TMEM178B: variants seen among roughly 807,000 people sequenced by gnomAD.
The protein encoded by TMEM178B is transmembrane protein 178B.
In TMEM178B, 5 loss-of-function variants were observed where a neutral mutation model predicts 31.0. The ratio of observed to expected loss-of-function variants is 0.16; its 90% CI spans 0.08 to 0.34. The LOEUF is 0.34. Among genes scored for constraint, TMEM178B ranks in the 10% least tolerant of loss-of-function variants. The pLI is 1.00. For missense variants in TMEM178B, 275 were observed against 400.3 expected (o/e 0.69, Z 2.67); for synonymous variants, 164 against 164.0 (o/e 1.00, Z 0.00).
At chr7:141,500,492 G>A in the TMEM178B span, among the ~76,000 whole-genome samples, 2 of 152,150 alleles carry the variant, frequency 1.3e-5, no homozygotes, top group Non-Finnish European at 2.9e-5. Flanking sequence ...TCTTCTCAAA[G>A]ATCCCTTTAA....
intron 2 of TMEM178B, among the ~76,000 whole-genome samples, chr7:141,293,755 T>C (rs1798586033): frequency 6.6e-6 from 1 of 152,180 alleles, no homozygotes; most frequent in Non-Finnish European, 1.5e-5. Context: ...GTTTTGTCTA[T>C]AGCAGAAAGG....
intron 2 of TMEM178B, among the ~76,000 whole-genome samples, chr7:141,381,564 C>T (rs916734610): frequency 7.2e-5 from 11 of 152,150 alleles, no homozygotes; most frequent in Non-Finnish European, 1.3e-4. Flanking sequence ...TTCCAGATAT[C>T]CCACCAACCT....
intron 2 of TMEM178B, among the ~76,000 whole-genome samples, chr7:141,343,436 A>G (rs1023840728): frequency 2.0e-5 from 3 of 151,830 alleles, no homozygotes; most frequent in African/African-American, 4.8e-5. Flanking sequence ...TTCAGATTAT[A>G]AGGCCAGATT....
chr7:141,257,598 C>T (rs944114176), intron 2 of TMEM178B, among the ~76,000 whole-genome samples: 1 of 152,122 alleles, frequency 6.6e-6, no homozygotes, highest in African/African-American at 2.4e-5. Flanking sequence ...GCAAAAACTC[C>T]CCTCTGACAG....
intron 3 of TMEM178B, among the ~76,000 whole-genome samples, chr7:141,446,389 A>C (rs992742648): frequency 6.6e-6 from 1 of 152,214 alleles, no homozygotes; most frequent in Non-Finnish European, 1.5e-5. Flanking sequence ...ACAGTGCCAC[A>C]TGTTCGCCAG....
intron 1 of TMEM178B, among the ~76,000 whole-genome samples, chr7:141,089,967 C>T (rs1357807734): frequency 6.6e-6 from 1 of 151,788 alleles, no homozygotes; most frequent in Non-Finnish European, 1.5e-5. Flanking sequence ...ATGTAACATA[C>T]CTGCAAGTTG....
intron 3 of TMEM178B, among the ~76,000 whole-genome samples, chr7:141,457,042 A>G (rs1337398077): frequency 6.6e-6 from 1 of 152,180 alleles, no homozygotes; most frequent in Non-Finnish European, 1.5e-5. Flanking sequence ...TTCCCATCCT[A>G]TATAGAAAGC....
intron 1 of TMEM178B, among the ~76,000 whole-genome samples, chr7:141,115,662 CT>C (rs1406549456): frequency 1.3e-5 from 2 of 152,130 alleles, no homozygotes; most frequent in Non-Finnish European, 2.9e-5. Flanking sequence ...GCAAAGTTCC[CT>C]GGCTCAGTCG....
intron 1 of TMEM178B, among the ~76,000 whole-genome samples, chr7:141,190,168 A>G (rs1336389787): frequency 2.0e-5 from 3 of 152,236 alleles, no homozygotes; most frequent in African/African-American, 7.2e-5. Context: ...TAGAAAATGC[A>G]CTTAATATAC....
At position 141,477,983 on chromosome 7, in the gene TMEM178B, T is replaced by C. The variant is rs1050764646; in HGVS notation, c.*7197T>C. On this transcript the variant is annotated 3_prime_UTR_variant, in exon 4 of 4. Transcript: ENST00000565468. ...CTGACTGAGCTTTGCTGCACTGGGC[T>C]GGGGTAGGAGAAAGAGCATCCAAGG... 2 of 152,356 alleles carry C rather than the reference T, an allele frequency of 1.3e-5. No individual in the cohort carries two copies. Among genetic ancestry groups the C allele is most frequent in the African/African-American group, 4.8e-5 (2 of 41,436 alleles). 9.4% of individuals were successfully genotyped at this position (152,356 alleles called of 1,614,324 possible). A position where few individuals can be genotyped will look rare whatever the true frequency, so the allele number is the denominator to read the frequency against.
At chr7:141,266,896 A>G (rs1798102856) in intron 2 of TMEM178B, among the ~76,000 whole-genome samples, 2 of 152,186 alleles carry the variant, frequency 1.3e-5, no homozygotes, top group Admixed American at 1.3e-4. Flanking sequence ...CTACAGTTGA[A>G]TTTTCTGAAG....
intron 3 of TMEM178B, among the ~76,000 whole-genome samples, chr7:141,442,444 T>A (rs1239089001): frequency 6.6e-6 from 1 of 152,202 alleles, no homozygotes; most frequent in African/African-American, 2.4e-5. Context: ...AATGGCCCAA[T>A]AGCTTCCAGT....
intron 2 of TMEM178B, among the ~76,000 whole-genome samples, chr7:141,332,358 G>A (rs1215141214): frequency 1.3e-5 from 2 of 152,190 alleles, no homozygotes; most frequent in Non-Finnish European, 2.9e-5. Context: ...ACTGGCTGCT[G>A]TTAACATCAT....
At chr7:141,126,209 G>A (rs566237908) in intron 1 of TMEM178B, among the ~76,000 whole-genome samples, 1 of 152,324 alleles carries the variant, frequency 6.6e-6, no homozygotes, top group African/African-American at 2.4e-5. Context: ...TGGTTTGCAG[G>A]TTGGGGAGGG....
intron 2 of TMEM178B, among the ~76,000 whole-genome samples, chr7:141,396,090 G>A (rs185338630): frequency 6.6e-6 from 1 of 152,132 alleles, no homozygotes; most frequent in Non-Finnish European, 1.5e-5. Flanking sequence ...CAAGGGGCTT[G>A]GGGGTGCTCA....
At chr7:141,294,726 C>T (rs970186063) in intron 2 of TMEM178B, among the ~76,000 whole-genome samples, 1 of 152,142 alleles carries the variant, frequency 6.6e-6, no homozygotes, top group Non-Finnish European at 1.5e-5. Flanking sequence ...GAAGACCAGA[C>T]TCCTTGAGAG....
At position 141,479,596 on chromosome 7, in the gene TMEM178B, G is replaced by A. The variant is rs890459289; in HGVS notation, c.*8810G>A. 6.6e-6 allele frequency: 1 copy of A among 152,264 alleles called. No homozygotes were observed. Among genetic ancestry groups the A allele is most frequent in the East Asian group, 1.9e-4 (1 of 5,182 alleles). The allele number at this position is 152,264 out of a possible 1,614,324, so 9.4% of individuals were successfully genotyped here. On this transcript the variant is annotated 3_prime_UTR_variant, in exon 4 of 4. Coordinates refer to ENST00000565468, the MANE Select transcript of TMEM178B (RefSeq NM_001195278.2). Reference sequence around the variant, plus strand: ...CTGGGTATTCTCAAAGCATTTCAACGGTCAGTATAACAAGGTTTGATTGAT... The same window carrying A: ...CTGGGTATTCTCAAAGCATTTCAACAGTCAGTATAACAAGGTTTGATTGAT...
intron 2 of TMEM178B, among the ~76,000 whole-genome samples, chr7:141,364,468 G>A (rs1032533238): frequency 6.6e-6 from 1 of 152,012 alleles, no homozygotes; most frequent in African/African-American, 2.4e-5. Flanking sequence ...AGACCATCCT[G>A]GCTAACACGG....
chr7:141,313,033 A>G (rs1041250483), intron 2 of TMEM178B, among the ~76,000 whole-genome samples: 1 of 152,182 alleles, frequency 6.6e-6, no homozygotes, highest in African/African-American at 2.4e-5. Flanking sequence ...TCTCAGCCTT[A>G]TTTTACCCAG....
Sources: gnomAD v4.1 joint callset for allele counts (sites outside exome capture counted in the v4.1 genomes callset) on GRCh38, gnomAD v4.1.1 for gene constraint, MANE v1.5 for transcripts, NCBI Gene and HGNC (gene_info 2026-07-23, HGNC 2026-07-21) for gene names.